KLHL5: variants seen among roughly 807,000 people sequenced by gnomAD.
KLHL5 encodes the protein kelch-like protein 5.
KLHL5 carries 48 observed loss-of-function variants against 77.7 expected under a neutral mutation model. The observed-to-expected ratio is 0.62, with a 90% CI of 0.49 to 0.79. KLHL5 has a LOEUF of 0.79. Among genes scored for constraint, KLHL5 ranks in the 30% least tolerant of loss-of-function variants. KLHL5 has a pLI of 0.00. For missense variants in KLHL5, 723 were observed against 859.7 expected (o/e 0.84, Z 1.99); for synonymous variants, 260 against 297.0 (o/e 0.88, Z 1.28).
intron 1 of KLHL5, among the ~76,000 whole-genome samples, chr4:39,070,840 T>C (rs1382015584): frequency 6.6e-6 from 1 of 150,798 alleles, no homozygotes; most frequent in Non-Finnish European, 1.5e-5. Context: ...CTTTACACAA[T>C]TGCCTTGTCT....
chr4:39,082,163 T>C lies in KLHL5; in HGVS notation c.900+4T>C. ...AGTGGCTCACAATTATACTATGGTA[T>C]GTATTTTTTGAAGGTGAGAAAGTCG... is the stretch of plus-strand genomic sequence containing the variant. On this transcript the variant is annotated splice_donor_region_variant and intron_variant, in intron 4 of 10. Coordinates refer to ENST00000504108, the MANE Select transcript of KLHL5 (RefSeq NM_015990.5). 6.4e-7 allele frequency: 1 copy of C among 1,570,890 alleles called. No individual in the cohort carries two copies. The highest frequency in any genetic ancestry group is 1.2e-5 in the South Asian group (1 of 84,796).
Position 39,115,098 on chromosome 4 carries a change from A to G in KLHL5, c.1902-61A>G. 4.1e-6 allele frequency: 6 copies of G among 1,474,282 alleles called. No individual in the cohort carries two copies. In the South Asian group the frequency reaches 4.9e-5, roughly 12 times the overall value. The allele number at this position is 1,474,282 out of a possible 1,614,324, so 91.3% of individuals were successfully genotyped here. A position where few individuals can be genotyped will look rare whatever the true frequency, so the allele number is the denominator to read the frequency against. ...TCAGAAGATAGACTTGAAGAACAAAACTGTTTTTACATAAATATTTTAAGA... is the reference window on the plus strand; with the variant it reads ...TCAGAAGATAGACTTGAAGAACAAAGCTGTTTTTACATAAATATTTTAAGA... On this transcript the variant is annotated intron_variant, in intron 9 of 10. Transcript: ENST00000504108.
chr4:39,109,822 T>C (rs11096981), intron 8 of KLHL5, among the ~76,000 whole-genome samples: 79,836 of 151,208 alleles, frequency 0.53, 21,611 homozygotes, highest in Non-Finnish European at 0.59. Context: ...TATCTGGGAT[T>C]ATAGGCACCT....
the KLHL5 span, among the ~76,000 whole-genome samples, chr4:39,139,719 T>A: frequency 6.6e-6 from 1 of 152,200 alleles, no homozygotes; most frequent in African/African-American, 2.4e-5. Context: ...CTTTAAAAAA[T>A]CTTACTTCAC....
intron 10 of KLHL5, among the ~76,000 whole-genome samples, chr4:39,117,265 C>T (rs1361202552): frequency 6.6e-6 from 1 of 152,050 alleles, no homozygotes; most frequent in Non-Finnish European, 1.5e-5. Context: ...TGACACTGCA[C>T]TCCAGCCTGG....
intron 8 of KLHL5, among the ~76,000 whole-genome samples, chr4:39,110,415 A>T (rs1370662376): frequency 6.6e-6 from 1 of 151,944 alleles, no homozygotes; most frequent in African/African-American, 2.4e-5. Context: ...AGTAGTAATA[A>T]TTTTTTTTCT....
intron 10 of KLHL5, among the ~76,000 whole-genome samples, chr4:39,117,931 G>C (rs1722954156): frequency 6.6e-6 from 1 of 151,880 alleles, no homozygotes; most frequent in Non-Finnish European, 1.5e-5. Flanking sequence ...AAAAATTAAT[G>C]CTCCTGTAGT....
At chr4:39,098,586 T>C (rs1721274325) in intron 6 of KLHL5, among the ~76,000 whole-genome samples, 4 of 151,154 alleles carry the variant, frequency 2.6e-5, no homozygotes. Context: ...TTTTTTGAGA[T>C]GGAGTCTCGC....
the KLHL5 span, among the ~76,000 whole-genome samples, chr4:39,133,044 C>T: frequency 2.0e-5 from 3 of 148,462 alleles, no homozygotes; most frequent in African/African-American, 5.3e-5. Context: ...GGTGACAAGT[C>T]GTCTGACCAT....
At chr4:39,079,628 G>T (rs1272248604) in intron 2 of KLHL5, among the ~76,000 whole-genome samples, 2 of 152,016 alleles carry the variant, frequency 1.3e-5, no homozygotes, top group Non-Finnish European at 2.9e-5. Flanking sequence ...ATTTGCCTTT[G>T]CCCAACTTTT....
chr4:39,120,838 G>A (rs948830463), intron 10 of KLHL5, among the ~76,000 whole-genome samples, 172 bp from the exon 11 acceptor site: 3 of 152,228 alleles, frequency 2.0e-5, no homozygotes, highest in Admixed American at 1.3e-4. Context: ...ACTTTGCCAT[G>A]GAAGGTGGCT....
At chr4:39,073,201 C>A (rs1366330332) in intron 1 of KLHL5, among the ~76,000 whole-genome samples, 1 of 152,136 alleles carries the variant, frequency 6.6e-6, no homozygotes, top group Non-Finnish European at 1.5e-5. Context: ...CCTGGGTTGT[C>A]CTGACTTGTT....
At chr4:39,109,111 A>G in intron 8 of KLHL5, among the ~76,000 whole-genome samples, 1 of 152,180 alleles carries the variant, frequency 6.6e-6, no homozygotes, top group East Asian at 1.9e-4. Context: ...TTTTGAATGT[A>G]TAGTATAACT....
downstream of KLHL5, chr4:39,126,644 C>T: frequency 4.5e-6 from 2 of 441,084 alleles, no homozygotes; most frequent in South Asian, 3.3e-5. Flanking sequence ...CAAGCTGGTT[C>T]CATTTGACCA....
Position 39,046,885 on chromosome 4 carries a change from G to C in KLHL5, c.-95+1789G>C, listed in dbSNP as rs141750970. Among the ~76,000 whole-genome samples the C allele has an allele frequency of 3.9e-5, 6 of 152,282 alleles. No homozygotes were observed. In the East Asian group the frequency reaches 1.2e-3, roughly 29 times the overall value. ...CATTTATAACATTTAGAATGATCTA[G>C]AACAGTATTTCCCAAACTGTGTTCT... On this transcript the variant is annotated intron_variant, in intron 1 of 11. Transcript: ENST00000261425.
rs1414249819 is a variant in KLHL5, at chr4:39,049,008, A to G, written c.-95+3912A>G. ...ACTTCCACTGCTATTTCATTGGCCA[A>G]AAGTCACTTGACTACACCCAACTTC... On this transcript the variant is annotated intron_variant, in intron 1 of 11. Transcript: ENST00000261425. 2.6e-5 allele frequency among the ~76,000 whole-genome samples: 4 copies of G among 152,104 alleles called. No individual in the cohort carries two copies. In the East Asian group the frequency reaches 5.8e-4, roughly 22 times the overall value.
Position 39,124,802 on chromosome 4 carries a change from C to CAAAAAAAAAAAAAAAAAAAAAAAAA in KLHL5, c.*3760_*3761insAAAAAAAAAAAAAAAAAAAAAAAAA, listed in dbSNP as rs71643268. Among the ~76,000 whole-genome samples, 26 of 44,122 alleles carry CAAAAAAAAAAAAAAAAAAAAAAAAA rather than the reference C, an allele frequency of 5.9e-4. No homozygotes were observed. The highest frequency in any genetic ancestry group is 0.023 in the Middle Eastern group (1 of 44). The allele number at this position is 44,122 out of a possible 152,430, so 28.9% of individuals were successfully genotyped here. A position where few individuals can be genotyped will look rare whatever the true frequency, so the allele number is the denominator to read the frequency against. ...GCACCAAAAGCACAAGCAACAACAG[C>CAAAAAAAAAAAAAAAAAAAAAAAAA]AAAAAAAAAAAAAAAAAAAAAAAAT... is the stretch of plus-strand genomic sequence containing the variant. On this transcript the variant is annotated 3_prime_UTR_variant, in exon 11 of 11. Coordinates refer to ENST00000504108, the MANE Select transcript of KLHL5 (RefSeq NM_015990.5).
At chr4:39,077,503 G>A (rs745652178) in intron 2 of KLHL5, among the ~76,000 whole-genome samples, 1 of 151,844 alleles carries the variant, frequency 6.6e-6, no homozygotes, top group Non-Finnish European at 1.5e-5. Context: ...AATGATCAGG[G>A]AGATGCAAGT....
At chr4:39,116,575 A>G (rs927879463) in intron 10 of KLHL5, among the ~76,000 whole-genome samples, 2 of 152,186 alleles carry the variant, frequency 1.3e-5, no homozygotes, top group African/African-American at 4.8e-5. Flanking sequence ...AATTGATCCA[A>G]TTCAAAAAGA....
Sources: allele counts gnomAD v4.1 joint callset (sites outside exome capture counted in the v4.1 genomes callset), GRCh38; gene constraint gnomAD v4.1.1; transcripts MANE v1.5; gene names NCBI Gene and HGNC (gene_info 2026-07-23, HGNC 2026-07-21).